HHAT: variants seen among roughly 807,000 people sequenced by gnomAD.
HHAT encodes protein-cysteine N-palmitoyltransferase HHAT.
Under a neutral mutation model 70.8 loss-of-function variants are expected in HHAT, and 47 were observed. The ratio of observed to expected loss-of-function variants is 0.66; its 90% CI spans 0.53 to 0.85. The LOEUF is 0.85. HHAT is among the 40% of genes least tolerant of loss of function. The pLI is 0.00. For missense variants in HHAT, 609 were observed against 604.8 expected (o/e 1.01, Z -0.07); for synonymous variants, 228 against 247.6 (o/e 0.92, Z 0.74).
At chr1:210,528,851 A>T (rs914656244) in intron 9 of HHAT, among the ~76,000 whole-genome samples, 1 of 152,168 alleles carries the variant, frequency 6.6e-6, no homozygotes, top group Admixed American at 6.5e-5. Context: ...TGATGCACCT[A>T]TGTCCTGGTT....
At chr1:210,566,872 G>C (rs115650419) in intron 9 of HHAT, among the ~76,000 whole-genome samples, 1 of 152,174 alleles carries the variant, frequency 6.6e-6, no homozygotes, top group South Asian at 2.1e-4. Context: ...CCCTGCCCTT[G>C]CAAAAAGGAA....
chr1:210,632,981 G>C (rs1481624170), intron 11 of HHAT, among the ~76,000 whole-genome samples: 1 of 146,980 alleles, frequency 6.8e-6, no homozygotes, highest in Non-Finnish European at 1.5e-5. Context: ...AACAAGGAAG[G>C]CTCCTCCCCA....
chr1:210,656,486 C>G (rs1676447633), intron 11 of HHAT, among the ~76,000 whole-genome samples: 1 of 152,190 alleles, frequency 6.6e-6, no homozygotes, highest in African/African-American at 2.4e-5. Flanking sequence ...TGGCTCCTCT[C>G]CAGGGCCAGG....
At chr1:210,451,087 CAAAAAAAAAAAAA>C (rs36045825) in intron 7 of HHAT, among the ~76,000 whole-genome samples, 1,198 of 91,684 alleles carry the variant, frequency 0.013, 13 homozygotes, top group African/African-American at 0.046. Flanking sequence ...ACTCCATCTC[CAAAAAAAAAAAAA>C]AAAAAAAAGT....
chr1:210,418,653 G>A (rs953158398), intron 7 of HHAT, among the ~76,000 whole-genome samples: 1 of 152,106 alleles, frequency 6.6e-6, no homozygotes, highest in African/African-American at 2.4e-5. Context: ...AGGAGTTGCT[G>A]GGGGCAGCTT....
At chr1:210,504,849 CTAAGTT>C (rs2094822488) in intron 8 of HHAT, among the ~76,000 whole-genome samples, 1 of 151,334 alleles carries the variant, frequency 6.6e-6, no homozygotes, top group South Asian at 2.1e-4. Context: ...GTCTAAGTGT[CTAAGTT>C]TATTTTCACT....
chr1:210,340,242 G>GGGGAAAAAAAAAAAA lies in HHAT; in HGVS notation c.-43-8691_-43-8690insGGGAAAAAAAAAAAA, dbSNP rs1553313987. Among the ~76,000 whole-genome samples the GGGGAAAAAAAAAAAA allele has an allele frequency of 7.0e-5, 7 of 99,782 alleles. 3 individuals carry two copies. The highest frequency in any genetic ancestry group is 3.4e-5 in the African/African-American group (1 of 29,626). The allele number at this position is 99,782 out of a possible 152,430, so 65.5% of individuals were successfully genotyped here. On this transcript the variant is annotated intron_variant, in intron 1 of 11. Transcript: ENST00000261458. ...GGGGATAGAGCAAGACTCTGTCTCA[G>GGGGAAAAAAAAAAAA]AAAAAAAAAAAAAAAAAAAAAAAAA...
chr1:210,564,063 C>T (rs189946261), intron 9 of HHAT, among the ~76,000 whole-genome samples: 91 of 152,198 alleles, frequency 6.0e-4, no homozygotes, highest in Admixed American at 4.4e-3. Context: ...AAGTGATTCT[C>T]CTGCCTCAGC....
intron 11 of HHAT, among the ~76,000 whole-genome samples, chr1:210,666,869 G>C (rs193245244): frequency 0.017 from 2,602 of 152,152 alleles, 35 homozygotes; most frequent in Middle Eastern, 0.031. Context: ...GAGGCAGGCA[G>C]ATCACTAGGT....
chr1:210,546,829 C>T (rs1223255738), intron 9 of HHAT, among the ~76,000 whole-genome samples: 1 of 152,064 alleles, frequency 6.6e-6, no homozygotes, highest in Non-Finnish European at 1.5e-5. Context: ...TGAGAGAAGG[C>T]CTCAAAGTCC....
chr1:210,626,135 C>A (rs1669787607), intron 11 of HHAT, among the ~76,000 whole-genome samples: 1 of 152,164 alleles, frequency 6.6e-6, no homozygotes, highest in African/African-American at 2.4e-5. Flanking sequence ...ACACAATTAA[C>A]CACGGAGCTG....
chr1:210,580,577 A>G (rs935295278), intron 9 of HHAT, among the ~76,000 whole-genome samples: 1 of 144,670 alleles, frequency 6.9e-6, no homozygotes, highest in African/African-American at 2.6e-5. Context: ...CTTATGAGTG[A>G]GAACATGCGG....
chr1:210,377,253 G>A (rs1489854883), intron 3 of HHAT, among the ~76,000 whole-genome samples: 2 of 152,146 alleles, frequency 1.3e-5, no homozygotes, highest in South Asian at 2.1e-4. Context: ...TTGTTCTCTA[G>A]TCATCTCATT....
chr1:210,391,682 C>G (rs1558421802), intron 4 of HHAT, among the ~76,000 whole-genome samples: 1 of 152,132 alleles, frequency 6.6e-6, no homozygotes, highest in Non-Finnish European at 1.5e-5. Flanking sequence ...CATCTTAAAA[C>G]TACAATAAGA....
At chr1:210,364,701 T>TC (rs1441737392) in intron 3 of HHAT, among the ~76,000 whole-genome samples, 2 of 152,186 alleles carry the variant, frequency 1.3e-5, no homozygotes, top group African/African-American at 4.8e-5. Flanking sequence ...TCTTGTCACT[T>TC]CACTGGGTCA....
At chr1:210,454,668 C>G (rs773850245) in intron 7 of HHAT, among the ~76,000 whole-genome samples, 4 of 152,168 alleles carry the variant, frequency 2.6e-5, no homozygotes, top group Non-Finnish European at 4.4e-5. Flanking sequence ...TTTCTTGAAT[C>G]AAGTACAAGA....
At chr1:210,330,085 G>C (rs2147894115) in intron 1 of HHAT, among the ~76,000 whole-genome samples, 1 of 152,298 alleles carries the variant, frequency 6.6e-6, no homozygotes, top group East Asian at 1.9e-4. Flanking sequence ...ATTTCAATGT[G>C]ATTAAGTGCT....
intron 8 of HHAT, among the ~76,000 whole-genome samples, chr1:210,501,028 A>G (rs1225299801): frequency 6.6e-6 from 1 of 152,162 alleles, no homozygotes; most frequent in African/African-American, 2.4e-5. Flanking sequence ...GGTAAAATGT[A>G]AACACCAGCT....
intron 9 of HHAT, among the ~76,000 whole-genome samples, chr1:210,580,078 C>G (rs565231900): frequency 2.0e-5 from 3 of 152,294 alleles, no homozygotes; most frequent in African/African-American, 7.2e-5. Context: ...CTACAATGTT[C>G]TGTTGCCAAA....
Sources: gnomAD v4.1 joint callset for allele counts (sites outside exome capture counted in the v4.1 genomes callset) on GRCh38, gnomAD v4.1.1 for gene constraint, MANE v1.5 for transcripts, NCBI Gene and HGNC (gene_info 2026-07-23, HGNC 2026-07-21) for gene names.